The following SLC4A4 variants were observed in gnomAD, a reference collection of about 807,000 sequenced individuals.
SLC4A4 encodes the protein solute carrier family 4 member 4.
A neutral mutation model predicts 111.5 loss-of-function variants in SLC4A4; 27 were observed. That is an observed-to-expected ratio of 0.24 (90% CI 0.18 to 0.33). The LOEUF is 0.33. SLC4A4 is among the 10% of genes least tolerant of loss of function. The probability of loss-of-function intolerance (pLI) is 1.00; values close to 1 mark genes in which losing one functional copy is unlikely to be tolerated. For missense variants in SLC4A4, 909 were observed against 1,315.5 expected, an observed-to-expected ratio of 0.69 and a Z score of 4.78; for synonymous variants, 443 against 463.4, an observed-to-expected ratio of 0.96 and a Z score of 0.57.
At chr4:71,376,176 C>T (rs1292136222) in intron 6 of SLC4A4, among the ~76,000 whole-genome samples, 2 of 149,972 alleles carry the variant, frequency 1.3e-5, no homozygotes, top group African/African-American at 4.9e-5. Context: ...CACACACACA[C>T]ACACACACAC....
chr4:71,533,585 T>G, intron 17 of SLC4A4, among the ~76,000 whole-genome samples: 1 of 147,852 alleles, frequency 6.8e-6, no homozygotes, highest in African/African-American at 2.4e-5. Context: ...AAAATGACAG[T>G]TTTTTCCAGT....
At chr4:71,359,347 T>C (rs1284766998) in intron 6 of SLC4A4, among the ~76,000 whole-genome samples, 1 of 152,236 alleles carries the variant, frequency 6.6e-6, no homozygotes, top group Non-Finnish European at 1.5e-5. Flanking sequence ...GCTTACACTC[T>C]GAAGTGTGGA....
At chr4:71,334,030 A>G (rs1027018099) in intron 3 of SLC4A4, among the ~76,000 whole-genome samples, 1 of 151,966 alleles carries the variant, frequency 6.6e-6, no homozygotes, top group Non-Finnish European at 1.5e-5. Context: ...CTGGTGCCCA[A>G]GCTGCAAGAC....
chr4:71,405,440 G>C (rs1270947602), intron 7 of SLC4A4, among the ~76,000 whole-genome samples: 1 of 151,824 alleles, frequency 6.6e-6, no homozygotes, highest in Non-Finnish European at 1.5e-5. Context: ...TCTTCTTAAA[G>C]GCTATATAGT....
upstream of SLC4A4, chr4:71,187,094 C>T (rs750101373): frequency 9.2e-5 from 14 of 152,138 alleles, no homozygotes; most frequent in Middle Eastern, 3.2e-3. Flanking sequence ...TCGCCTCTCT[C>T]CGGAGCGCGC....
intron 2 of SLC4A4, among the ~76,000 whole-genome samples, chr4:71,134,921 T>C (rs539080652): frequency 1.3e-5 from 2 of 152,260 alleles, no homozygotes; most frequent in Admixed American, 1.3e-4. Flanking sequence ...GAGCTGACCT[T>C]CAGCTCTAAA....
At chr4:71,421,541 C>A (rs1478333689) in intron 7 of SLC4A4, among the ~76,000 whole-genome samples, 1 of 152,166 alleles carries the variant, frequency 6.6e-6, no homozygotes, top group Admixed American at 6.5e-5. Flanking sequence ...ACATTTTTTT[C>A]AGCACCACAC....
At chr4:71,399,619 C>A (rs1325886618) in intron 7 of SLC4A4, among the ~76,000 whole-genome samples, 1 of 151,658 alleles carries the variant, frequency 6.6e-6, no homozygotes, top group Non-Finnish European at 1.5e-5. Context: ...ATACTTTTTA[C>A]ATAGTTGCCC....
At chr4:71,452,211 G>A (rs1227360043) in intron 11 of SLC4A4, among the ~76,000 whole-genome samples, 1 of 151,884 alleles carries the variant, frequency 6.6e-6, no homozygotes, top group Non-Finnish European at 1.5e-5. Context: ...CAAATTAACA[G>A]GATATTATTC....
chr4:71,116,951 A>G (rs1287684171), intron 2 of SLC4A4, among the ~76,000 whole-genome samples: 2 of 152,044 alleles, frequency 1.3e-5, no homozygotes, highest in East Asian at 1.9e-4. Context: ...CTCAAAAAAA[A>G]AAAAAAATGC....
At chr4:71,206,493 A>G (rs76720563) in intron 1 of SLC4A4, among the ~76,000 whole-genome samples, 1,525 of 152,320 alleles carry the variant, frequency 0.01, 25 homozygotes, top group African/African-American at 0.035. Context: ...ATCTAGGAAG[A>G]AGCCTTCCAT....
intron 2 of SLC4A4, among the ~76,000 whole-genome samples, chr4:71,134,911 G>T (rs1578511795): frequency 6.6e-6 from 1 of 152,130 alleles, no homozygotes; most frequent in Non-Finnish European, 1.5e-5. Flanking sequence ...GTGCAGTTAA[G>T]AGCTGACCTT....
At chr4:71,176,395 A>C (rs1379033791) in intron 2 of SLC4A4, among the ~76,000 whole-genome samples, 10 of 151,676 alleles carry the variant, frequency 6.6e-5, no homozygotes, top group Non-Finnish European at 1.2e-4. Context: ...TAAAGGAGGA[A>C]GTTCGAACAC....
At chr4:71,087,937 T>G (rs1404617862) in intron 1 of SLC4A4, among the ~76,000 whole-genome samples, 2 of 151,996 alleles carry the variant, frequency 1.3e-5, no homozygotes, top group African/African-American at 2.4e-5. Context: ...GGTGCAGAGC[T>G]GAGTTCAATT....
At chr4:71,331,870 T>G (rs1444647742) in intron 3 of SLC4A4, among the ~76,000 whole-genome samples, 2 of 152,212 alleles carry the variant, frequency 1.3e-5, no homozygotes. Flanking sequence ...GTTGTTAGTC[T>G]ATTCAGGTTT....
At chr4:71,074,198 T>A (rs978833691) in intron 1 of SLC4A4, among the ~76,000 whole-genome samples, 1 of 152,156 alleles carries the variant, frequency 6.6e-6, no homozygotes, top group African/African-American at 2.4e-5. Context: ...TCCATAGTGA[T>A]AAATAATAAA....
At chr4:71,343,063 C>T (rs1251484648) in intron 4 of SLC4A4, among the ~76,000 whole-genome samples, 1 of 152,142 alleles carries the variant, frequency 6.6e-6, no homozygotes, top group African/African-American at 2.4e-5. Flanking sequence ...ATTAATTTAT[C>T]TGCAGAGAGA....
intron 1 of SLC4A4, among the ~76,000 whole-genome samples, chr4:71,065,678 C>A (rs1007812622): frequency 6.6e-6 from 1 of 151,976 alleles, no homozygotes; most frequent in African/African-American, 2.4e-5. Context: ...TGGGACTTTG[C>A]GCATGTGTTT....
chr4:71,240,388 A>G (rs1720114366), intron 2 of SLC4A4, among the ~76,000 whole-genome samples: 1 of 152,208 alleles, frequency 6.6e-6, no homozygotes, highest in Admixed American at 6.5e-5. Context: ...CTTAACATCA[A>G]GTTCAACCAA....
Sources: allele counts gnomAD v4.1 joint callset (sites outside exome capture counted in the v4.1 genomes callset), GRCh38; gene constraint gnomAD v4.1.1; transcripts MANE v1.5; gene names NCBI Gene and HGNC (gene_info 2026-07-23, HGNC 2026-07-21).